Variants in MGST1 observed in about 807,000 individuals in gnomAD.
MGST1 encodes the protein microsomal glutathione S-transferase 1.
Under a neutral mutation model 8.9 loss-of-function variants are expected in MGST1, and 5 were observed. The ratio of observed to expected loss-of-function variants is 0.56; its 90% confidence interval spans 0.29 to 1.19. MGST1 has a LOEUF of 1.19. Among genes scored for constraint, MGST1 ranks in the 50% most tolerant of loss-of-function variants. The pLI is 0.08. For synonymous variants in MGST1, 54 were observed against 67.8 expected (o/e 0.80, Z 1.00); for missense variants, 182 against 187.4 (o/e 0.97, Z 0.17).
rs1940656469 is a variant in MGST1, at chr12:16,401,663, A to G, written n.778+18059A>G. 1 of 1,601,920 alleles carries G rather than the reference A, an allele frequency of 6.2e-7. No individual in the cohort carries two copies. On this transcript the variant is annotated intron_variant and non_coding_transcript_variant, in intron 1 of 1. Coordinates refer to the MGST1 transcript ENST00000359720. This position sits in a 1 kb window ranked among gnomAD's most constrained non-coding sequence, Gnocchi z 4.3. ...CACTCACCACACTGAACTTGAGATTATAGTTGCCACCACTCTGAATGATAG... is the reference window on the plus strand; with the variant it reads ...CACTCACCACACTGAACTTGAGATTGTAGTTGCCACCACTCTGAATGATAG...
chr12:16,430,175 G>T (rs1184334537), intron 1 of MGST1, among the ~76,000 whole-genome samples: 2 of 152,124 alleles, frequency 1.3e-5, no homozygotes, highest in African/African-American at 2.4e-5. Flanking sequence ...CAGCAGTTTA[G>T]TCACATCTTC....
intron 1 of MGST1, among the ~76,000 whole-genome samples, chr12:16,408,457 C>A (rs1940714740): frequency 6.6e-6 from 1 of 152,144 alleles, no homozygotes; most frequent in South Asian, 2.1e-4. Flanking sequence ...TAGTGGTTTT[C>A]TCTCAGCACA....
At chr12:16,405,136 G>A (rs1446643015) in intron 1 of MGST1, among the ~76,000 whole-genome samples, 1 of 151,970 alleles carries the variant, frequency 6.6e-6, no homozygotes, top group African/African-American at 2.4e-5. Context: ...AGAACCAATG[G>A]CAAACCAATC....
intron 1 of MGST1, among the ~76,000 whole-genome samples, chr12:16,437,176 C>T (rs1263684336): frequency 6.6e-6 from 1 of 151,804 alleles, no homozygotes; most frequent in East Asian, 2.0e-4. Context: ...AAAAAGGAAG[C>T]ATATCCCAAA....
intron 4 of MGST1, among the ~76,000 whole-genome samples, chr12:16,469,470 T>A (rs1941278751): frequency 6.6e-6 from 1 of 152,222 alleles, no homozygotes; most frequent in African/African-American, 2.4e-5. Flanking sequence ...ATTACAGGCA[T>A]GAGCCACCAT....
At chr12:16,563,116 G>A (rs931432399) in intron 4 of MGST1, among the ~76,000 whole-genome samples, 3 of 152,192 alleles carry the variant, frequency 2.0e-5, no homozygotes, top group Admixed American at 6.5e-5. Flanking sequence ...ATATCCTAAT[G>A]ATGAATTATT....
chr12:16,590,810 C>A (rs755436731), downstream of MGST1, among the ~76,000 whole-genome samples: 1 of 151,930 alleles, frequency 6.6e-6, no homozygotes, highest in African/African-American at 2.4e-5. Flanking sequence ...ATCAAACATG[C>A]GACTATATCA....
chr12:16,507,537 C>T (rs1254920704), intron 4 of MGST1, among the ~76,000 whole-genome samples: 1 of 152,090 alleles, frequency 6.6e-6, no homozygotes, highest in Non-Finnish European at 1.5e-5. Flanking sequence ...AGTTCTCACA[C>T]TGCTATAAAG....
At chr12:16,569,624 T>A (rs546567325) in intron 4 of MGST1, among the ~76,000 whole-genome samples, 5 of 152,292 alleles carry the variant, frequency 3.3e-5, no homozygotes, top group African/African-American at 1.2e-4. Flanking sequence ...GAAAAATATT[T>A]CCAGGCAAAT....
At chr12:16,564,667 C>T (rs1250100571) in intron 4 of MGST1, among the ~76,000 whole-genome samples, 1 of 152,140 alleles carries the variant, frequency 6.6e-6, no homozygotes, top group African/African-American at 2.4e-5. Flanking sequence ...TAGTATTTGA[C>T]TCAAAGTAAT....
At chr12:16,412,112 GA>G (rs1940746942) in intron 1 of MGST1, among the ~76,000 whole-genome samples, 1 of 152,152 alleles carries the variant, frequency 6.6e-6, no homozygotes, top group Non-Finnish European at 1.5e-5. Context: ...TTGCAGTGTG[GA>G]CATTGAGGCT....
chr12:16,490,495 C>T (rs764863304), intron 4 of MGST1, among the ~76,000 whole-genome samples: 3 of 152,124 alleles, frequency 2.0e-5, no homozygotes, highest in Non-Finnish European at 4.4e-5. Context: ...TGTTTTTTTA[C>T]AAAGCATAAC....
At chr12:16,388,509 A>T (rs563755005) in intron 1 of MGST1, among the ~76,000 whole-genome samples, 1 of 152,264 alleles carries the variant, frequency 6.6e-6, no homozygotes, top group South Asian at 2.1e-4. Context: ...GTAGGATTTG[A>T]TACTATTGAC....
chr12:16,579,489 C>T (rs563308870), intron 4 of MGST1, among the ~76,000 whole-genome samples: 6 of 152,246 alleles, frequency 3.9e-5, no homozygotes, highest in African/African-American at 1.2e-4. Flanking sequence ...TAAAAGCCAA[C>T]GCAGATGTAT....
In MGST1 at chr12:16,482,802, C is replaced by G. The variant is rs185948041; in HGVS notation, n.482+99198C>G. Among the ~76,000 whole-genome samples, 2 of 152,226 alleles carry G rather than the reference C, an allele frequency of 1.3e-5. No homozygotes were observed. The highest frequency in any genetic ancestry group is 1.3e-4 in the Admixed American group (2 of 15,288). ...GGATACACCGAAATCAGAGACCTTA[C>G]CCAGTGTCAAGCTTGACTAATCATT... On this transcript the variant is annotated intron_variant and non_coding_transcript_variant, in intron 4 of 4. Transcript: ENST00000538857. The surrounding 1 kb of genome is among the most constrained non-coding windows in gnomAD (Gnocchi z 4.2).
Position 16,401,517 on chromosome 12 carries a change from G to T in MGST1, n.778+17913G>T. The T allele has an allele frequency of 1.1e-6, 1 of 926,750 alleles. No individual in the cohort carries two copies. The highest frequency in any genetic ancestry group is 1.8e-6 in the Non-Finnish European group (1 of 566,630). 57.4% of individuals were successfully genotyped at this position (926,750 alleles called of 1,614,324 possible). On this transcript the variant is annotated intron_variant and non_coding_transcript_variant, in intron 1 of 1. Transcript: ENST00000359720. The surrounding 1 kb of genome is among the most constrained non-coding windows in gnomAD (Gnocchi z 4.3). Reference sequence around the variant, plus strand: ...CTTCTTGAAGCTGGAGTAAAAAGTTGTAATTTTCTTGAACTTCCTGAGGAG... The same window carrying T: ...CTTCTTGAAGCTGGAGTAAAAAGTTTTAATTTTCTTGAACTTCCTGAGGAG...
intron 4 of MGST1, among the ~76,000 whole-genome samples, chr12:16,572,159 A>G (rs1942833591): frequency 6.6e-6 from 1 of 151,940 alleles, no homozygotes; most frequent in Admixed American, 6.6e-5. Context: ...GATGCTTTCC[A>G]TAATAAATTA....
intron 1 of MGST1, among the ~76,000 whole-genome samples, chr12:16,421,578 T>C (rs947869787): frequency 2.6e-5 from 4 of 152,222 alleles, no homozygotes; most frequent in African/African-American, 9.6e-5. Flanking sequence ...ATGTGTAGAA[T>C]AATCTCCTAA....
At chr12:16,591,577 A>T (rs1271682200), downstream of MGST1, among the ~76,000 whole-genome samples, 1 of 152,020 alleles carries the variant, frequency 6.6e-6, no homozygotes, top group African/African-American at 2.4e-5. The surrounding 1 kb of genome is among the most constrained non-coding windows in gnomAD (Gnocchi z 4.1). Flanking sequence ...TACCTAGAAT[A>T]TACAGAATGA....
Sources: allele counts gnomAD v4.1 joint callset (sites outside exome capture counted in the v4.1 genomes callset), GRCh38; gene constraint gnomAD v4.1.1; non-coding constraint Gnocchi (gnomAD v3.1); transcripts MANE v1.5; gene names NCBI Gene and HGNC (gene_info 2026-07-23, HGNC 2026-07-21).